The following DSCAM variants were observed in gnomAD, a reference collection of about 807,000 sequenced individuals.
The protein encoded by DSCAM is DS cell adhesion molecule, also known as cell adhesion molecule DSCAM.
Under a neutral mutation model 217.7 loss-of-function variants are expected in DSCAM, and 47 were observed. The observed-to-expected ratio is 0.22, with a 90% CI of 0.17 to 0.28. DSCAM has a LOEUF of 0.28. DSCAM is among the 10% of genes least tolerant of loss of function. The pLI is 1.00. For synonymous variants in DSCAM, 1,056 were observed against 1,015.3 expected (o/e 1.04, Z -0.76); for missense variants, 2,080 against 2,618.3 (o/e 0.79, Z 4.49).
intron 3 of DSCAM, among the ~76,000 whole-genome samples, chr21:40,376,226 T>C (rs1211347314): frequency 2.6e-5 from 4 of 152,034 alleles, no homozygotes; most frequent in Admixed American, 1.3e-4. Context: ...CCGTCGCCAA[T>C]TGATGGCCAC....
rs144264995 is a variant in DSCAM, at chr21:40,041,835, G to A, written c.5686+536C>T. Among the ~76,000 whole-genome samples, 486 of 152,242 alleles carry A rather than the reference G, an allele frequency of 3.2e-3. 1 individual carries two copies. The highest frequency in any genetic ancestry group is 0.014 in the Middle Eastern group (4 of 294). ...CTCAGTGTGGCAGTTTTAAAATACAGCCCTCACATTTTTGACAGTCTTCTC... is the reference window on the plus strand; with the variant it reads ...CTCAGTGTGGCAGTTTTAAAATACAACCCTCACATTTTTGACAGTCTTCTC... On this transcript the variant is annotated intron_variant, in intron 32 of 32. Transcript: ENST00000400454.
intron 3 of DSCAM, among the ~76,000 whole-genome samples, chr21:40,559,442 G>A (rs1468308835): frequency 7.1e-6 from 1 of 140,612 alleles, no homozygotes; most frequent in South Asian, 2.3e-4. Context: ...CGGGCGAAAA[G>A]AGCGAGACCC....
chr21:40,370,635 T>C (rs755789105), intron 3 of DSCAM, among the ~76,000 whole-genome samples: 14 of 152,104 alleles, frequency 9.2e-5, no homozygotes, highest in Non-Finnish European at 1.9e-4. Context: ...TGGTTTTTTT[T>C]TTTGAGATAA....
At chr21:40,311,074 C>A (rs2074132356) in intron 9 of DSCAM, among the ~76,000 whole-genome samples, 1 of 151,936 alleles carries the variant, frequency 6.6e-6, no homozygotes, top group Non-Finnish European at 1.5e-5. Flanking sequence ...ATCAAGGGGA[C>A]AAGGAGTAAG....
intron 1 of DSCAM, among the ~76,000 whole-genome samples, chr21:40,757,084 G>T (rs1232697248): frequency 6.6e-6 from 1 of 151,932 alleles, no homozygotes; most frequent in Non-Finnish European, 1.5e-5. Flanking sequence ...GAGTGCAGTG[G>T]CATGATCTCG....
intron 3 of DSCAM, among the ~76,000 whole-genome samples, chr21:40,579,033 A>T (rs887756595): frequency 1.2e-4 from 19 of 152,232 alleles, no homozygotes; most frequent in Admixed American, 2.0e-4. Context: ...ACACAGAAAG[A>T]TGCACATTAG....
At chr21:40,699,787 T>C (rs528722622) in intron 2 of DSCAM, among the ~76,000 whole-genome samples, 18 of 152,322 alleles carry the variant, frequency 1.2e-4, no homozygotes, top group Non-Finnish European at 2.4e-4. Context: ...TACTGAGATT[T>C]AAAGAAAGAA....
intron 1 of DSCAM, among the ~76,000 whole-genome samples, chr21:40,826,315 A>G (rs1027815183): frequency 3.9e-5 from 6 of 152,190 alleles, no homozygotes; most frequent in African/African-American, 1.4e-4. Flanking sequence ...GGAGAGGACC[A>G]GCTCAGCAAG....
intron 3 of DSCAM, among the ~76,000 whole-genome samples, chr21:40,659,353 G>GTATCTATCTATCTATC (rs55878811): frequency 5.1e-4 from 76 of 148,492 alleles, no homozygotes; most frequent in Non-Finnish European, 6.8e-4. Context: ...GATCAGATGA[G>GTATCTATCTATCTATC]TATCTATCTA....
chr21:40,512,282 C>T (rs182691285), intron 3 of DSCAM, among the ~76,000 whole-genome samples: 6 of 152,132 alleles, frequency 3.9e-5, no homozygotes, highest in Non-Finnish European at 2.9e-5. Context: ...TCTGTTATTC[C>T]ACAAACACTG....
chr21:40,364,180 A>G (rs1288032292), intron 4 of DSCAM, among the ~76,000 whole-genome samples: 1 of 152,222 alleles, frequency 6.6e-6, no homozygotes, highest in Non-Finnish European at 1.5e-5. Flanking sequence ...ATTACTGGGT[A>G]TATACCCAAA....
intron 1 of DSCAM, among the ~76,000 whole-genome samples, chr21:40,781,262 T>C (rs1353237467): frequency 6.6e-6 from 1 of 152,158 alleles, no homozygotes; most frequent in African/African-American, 2.4e-5. Flanking sequence ...TCAAGTGATC[T>C]GCCCACCTTG....
Position 40,705,050 on chromosome 21 carries a change from G to A in DSCAM, c.361+3404C>T, listed in dbSNP as rs540789421. On this transcript the variant is annotated intron_variant, in intron 2 of 32. Coordinates refer to ENST00000400454, the MANE Select transcript of DSCAM (RefSeq NM_001389.5). ...AAGAGTGATCAAGTATCAAGAGTAAGGGGATGATTTAGCAGGATTCTTGCT... is the reference window on the plus strand; with the variant it reads ...AAGAGTGATCAAGTATCAAGAGTAAAGGGATGATTTAGCAGGATTCTTGCT... 5.1e-4 allele frequency among the ~76,000 whole-genome samples: 77 copies of A among 152,316 alleles called. 1 individual carries two copies. The South Asian group carries it at 0.015, about 30-fold the overall frequency.
chr21:40,759,735 G>A (rs578254869), intron 1 of DSCAM, among the ~76,000 whole-genome samples: 74 of 152,190 alleles, frequency 4.9e-4, no homozygotes, highest in African/African-American at 1.8e-3. Flanking sequence ...CATCCCTCCT[G>A]CCATCATCCC....
intron 3 of DSCAM, among the ~76,000 whole-genome samples, chr21:40,550,521 T>C (rs1472510389): frequency 6.6e-6 from 1 of 152,064 alleles, no homozygotes; most frequent in African/African-American, 2.4e-5. Flanking sequence ...CAAGAATCCA[T>C]CTCAAAAAAA....
At chr21:40,253,014 G>T (rs148938606) in intron 11 of DSCAM, among the ~76,000 whole-genome samples, 1 of 152,308 alleles carries the variant, frequency 6.6e-6, no homozygotes, top group Non-Finnish European at 1.5e-5. Context: ...ATATTCTTCT[G>T]TTTGCTATTT....
At chr21:40,830,505 A>G (rs4818184) in intron 1 of DSCAM, among the ~76,000 whole-genome samples, 138,839 of 152,276 alleles carry the variant, frequency 0.91, 63,452 homozygotes, top group African/African-American at 0.96. Context: ...ATGTGCACTC[A>G]GAAACCAGCT....
intron 30 of DSCAM, among the ~76,000 whole-genome samples, chr21:40,045,790 CA>C (rs1468815130): frequency 6.6e-6 from 1 of 152,174 alleles, no homozygotes; most frequent in Non-Finnish European, 1.5e-5. Context: ...TTCAAAGGAG[CA>C]AAACTGACAG....
intron 8 of DSCAM, among the ~76,000 whole-genome samples, chr21:40,321,386 A>G (rs751047082): frequency 3.1e-4 from 47 of 152,338 alleles, no homozygotes; most frequent in Non-Finnish European, 5.7e-4. Context: ...AAGCTTCTTC[A>G]ATTCTCTGTT....
Sources: gnomAD v4.1 joint callset for allele counts (sites outside exome capture counted in the v4.1 genomes callset) on GRCh38, gnomAD v4.1.1 for gene constraint, MANE v1.5 for transcripts, NCBI Gene and HGNC (gene_info 2026-07-23, HGNC 2026-07-21) for gene names.